Variants in ASIC2 observed in about 807,000 individuals in gnomAD.
ASIC2 encodes acid sensing ion channel subunit 2.
A neutral mutation model predicts 57.3 loss-of-function variants in ASIC2; 25 were observed. That is an observed-to-expected ratio of 0.44 (90% CI 0.32 to 0.61). The LOEUF is 0.61. ASIC2 is among the 20% of genes least tolerant of loss of function. ASIC2 has a pLI of 0.06. For missense variants in ASIC2, 641 were observed against 738.1 expected (o/e 0.87, Z 1.52); for synonymous variants, 319 against 307.5 (o/e 1.04, Z -0.39).
intron 1 of ASIC2, among the ~76,000 whole-genome samples, chr17:33,990,446 A>C (rs569344524): frequency 6.6e-6 from 1 of 152,234 alleles, no homozygotes. Flanking sequence ...TGGAAAGCAA[A>C]GGACTAGAGG....
chr17:33,050,720 C>A (rs527646272), intron 3 of ASIC2, among the ~76,000 whole-genome samples: 1 of 152,180 alleles, frequency 6.6e-6, no homozygotes, highest in Non-Finnish European at 1.5e-5. Flanking sequence ...CAAAGAGGAA[C>A]AAATAACCTT....
At chr17:33,610,648 G>A (rs1397061033) in intron 1 of ASIC2, among the ~76,000 whole-genome samples, 1 of 151,988 alleles carries the variant, frequency 6.6e-6, no homozygotes, top group Non-Finnish European at 1.5e-5. Flanking sequence ...AGGATCAGTT[G>A]AGCCCAGGAG....
intron 1 of ASIC2, among the ~76,000 whole-genome samples, chr17:33,696,081 G>T (rs77439074): frequency 0.056 from 8,526 of 152,208 alleles, 262 homozygotes; most frequent in East Asian, 0.13. Flanking sequence ...AATCAGTGTG[G>T]CAGTGAATAT....
intron 1 of ASIC2, among the ~76,000 whole-genome samples, chr17:33,772,056 G>C (rs1204192236): frequency 1.3e-5 from 2 of 152,162 alleles, no homozygotes; most frequent in East Asian, 3.8e-4. Flanking sequence ...ATTTTCCCCT[G>C]AGGCCAACCA....
intron 1 of ASIC2, among the ~76,000 whole-genome samples, chr17:33,249,085 T>C (rs1908793458): frequency 6.6e-6 from 1 of 151,914 alleles, no homozygotes; most frequent in Non-Finnish European, 1.5e-5. Flanking sequence ...CTCAACATAT[T>C]TGAAAGGTAA....
chr17:33,958,175 C>T (rs1026882085), intron 1 of ASIC2, among the ~76,000 whole-genome samples: 1 of 152,226 alleles, frequency 6.6e-6, no homozygotes, highest in Non-Finnish European at 1.5e-5. Context: ...ATCCTCCTGG[C>T]TGCTTTAATG....
At chr17:34,131,614 G>C (rs1006907965) in intron 1 of ASIC2, among the ~76,000 whole-genome samples, 1 of 152,234 alleles carries the variant, frequency 6.6e-6, no homozygotes, top group Non-Finnish European at 1.5e-5. Context: ...CTTGTGGTCT[G>C]CTGACAGCAG....
chr17:33,822,593 G>A (rs1912779693), intron 1 of ASIC2, among the ~76,000 whole-genome samples: 1 of 152,332 alleles, frequency 6.6e-6, no homozygotes, highest in South Asian at 2.1e-4. Context: ...TTTTTGGGAA[G>A]AGAGGAGATG....
intron 1 of ASIC2, among the ~76,000 whole-genome samples, chr17:33,512,400 GTCC>G (rs1914454790): frequency 6.6e-6 from 1 of 152,212 alleles, no homozygotes; most frequent in Admixed American, 6.5e-5. Flanking sequence ...TAGGCAGCCT[GTCC>G]CTTAGCATCA....
intron 1 of ASIC2, among the ~76,000 whole-genome samples, chr17:34,099,139 AG>A (rs1169170925): frequency 4.6e-5 from 1 of 21,550 alleles, no homozygotes; most frequent in African/African-American, 1.2e-4. Context: ...AGAGAGAGAG[AG>A]AGAGACAGAG....
chr17:33,448,317 G>GTGAATACTTGAC (rs1382379358), intron 1 of ASIC2, among the ~76,000 whole-genome samples: 2 of 152,126 alleles, frequency 1.3e-5, no homozygotes, highest in Non-Finnish European at 2.9e-5. Flanking sequence ...GCTGTTTAGT[G>GTGAATACTTGAC]GGCTGAATGG....
intron 1 of ASIC2, among the ~76,000 whole-genome samples, chr17:33,564,766 G>T (rs923601408): frequency 1.2e-4 from 19 of 152,196 alleles, no homozygotes; most frequent in Admixed American, 6.5e-4. Flanking sequence ...CACGCTGGAA[G>T]GTTGTGGGTT....
chr17:33,457,509 A>T (rs1912490532), intron 1 of ASIC2, among the ~76,000 whole-genome samples: 1 of 151,854 alleles, frequency 6.6e-6, no homozygotes, highest in Non-Finnish European at 1.5e-5. Context: ...CAACAATTCA[A>T]TTCTATATCC....
Position 33,684,377 on chromosome 17 carries a change from A to G in ASIC2, c.555+471601T>C, listed in dbSNP as rs143501857. On this transcript the variant is annotated intron_variant, in intron 1 of 9. Coordinates refer to the ASIC2 transcript ENST00000359872. Reference sequence around the variant, plus strand: ...ATTTTAGAGCTGACTACCCAAGTGCAGAAGAAACAACGTTTTAAATATATC... The same window carrying G: ...ATTTTAGAGCTGACTACCCAAGTGCGGAAGAAACAACGTTTTAAATATATC... Among the ~76,000 whole-genome samples the G allele has an allele frequency of 2.0e-3, 303 of 152,188 alleles. 1 individual carries two copies. The highest frequency in any genetic ancestry group is 6.7e-3 in the African/African-American group (280 of 41,490).
At chr17:33,895,672 G>A (rs1446466912) in intron 1 of ASIC2, among the ~76,000 whole-genome samples, 7 of 152,156 alleles carry the variant, frequency 4.6e-5, no homozygotes, top group Non-Finnish European at 7.4e-5. Flanking sequence ...TAATTCAAGC[G>A]TGGTTGATAC....
chr17:33,977,553 G>A (rs192379377), intron 1 of ASIC2, among the ~76,000 whole-genome samples: 1 of 152,180 alleles, frequency 6.6e-6, no homozygotes, highest in Non-Finnish European at 1.5e-5. Context: ...CCTACTGTTA[G>A]CCAGGCCTTG....
At position 33,394,133 on chromosome 17, in the gene ASIC2, A is replaced by C. The variant is rs1260549394; in HGVS notation, c.556-282066T>G. ...GTTTTATATTGTTATTCTCCAGCCT[A>C]GTCTCTATGGAGTTTGCTACATCCC... is the stretch of plus-strand genomic sequence containing the variant. On this transcript the variant is annotated intron_variant, in intron 1 of 9. Transcript: ENST00000359872. 2.6e-5 allele frequency among the ~76,000 whole-genome samples: 4 copies of C among 152,364 alleles called. 1 individual carries two copies. The highest frequency in any genetic ancestry group is 9.6e-5 in the African/African-American group (4 of 41,588).
intron 1 of ASIC2, among the ~76,000 whole-genome samples, chr17:33,755,635 C>A (rs988620816): frequency 3.9e-5 from 6 of 152,190 alleles, no homozygotes; most frequent in African/African-American, 1.4e-4. Flanking sequence ...AAACACTGTG[C>A]TCTGTTTGGG....
chr17:33,799,261 C>G (rs1238204801), intron 1 of ASIC2, among the ~76,000 whole-genome samples: 1 of 151,588 alleles, frequency 6.6e-6, no homozygotes, highest in Non-Finnish European at 1.5e-5. Flanking sequence ...TTCCTTCCAT[C>G]AATCCGTTTT....
Sources: allele counts gnomAD v4.1 joint callset (sites outside exome capture counted in the v4.1 genomes callset), GRCh38; gene constraint gnomAD v4.1.1; transcripts MANE v1.5; gene names NCBI Gene and HGNC (gene_info 2026-07-23, HGNC 2026-07-21).